Variants in KANK3 observed in about 807,000 individuals in gnomAD.
KANK3 encodes the protein KN motif and ankyrin repeat domains 3.
KANK3 carries 61 observed loss-of-function variants against 65.4 expected under a neutral mutation model. That is an observed-to-expected ratio of 0.93 (90% CI 0.76 to 1.15). The LOEUF (loss-of-function observed/expected upper bound fraction) is 1.15. Among genes scored for constraint, KANK3 ranks in the 50% most tolerant of loss-of-function variants. The pLI is 0.00. For synonymous variants in KANK3, 586 were observed against 543.3 expected (o/e 1.08, Z -1.09); for missense variants, 1,187 against 1,178.8 (o/e 1.01, Z -0.10).
chr19:8,336,433 C>A (rs34768661), intron 2 of KANK3, among the ~76,000 whole-genome samples: 23,382 of 134,294 alleles, frequency 0.17, 2,157 homozygotes, highest in Non-Finnish European at 0.22. Flanking sequence ...GAGAACCTCT[C>A]AAAAAAAAAA....
chr19:8,324,890 G>A (rs1970395552), intron 8 of KANK3, 60 bp from the exon 9 acceptor site: 2 of 960,972 alleles, frequency 2.1e-6, no homozygotes, highest in South Asian at 1.4e-5. Flanking sequence ...GGAGGTCACA[G>A]GTTGACTCCC....
rs1462786174 is a variant in KANK3 at position 8,334,944 on chromosome 19, C to A, written c.883G>T (p.Asp295Tyr). Residue 295 changes from aspartate to tyrosine, a missense_variant, in exon 3 of 11, where the codon GAT becomes TAT. This residue lies in a region of KANK3 where 1,078 missense variants were observed against 1,038.2 expected (regional missense o/e 1.04). Coordinates refer to ENST00000330915, the MANE Select transcript of KANK3 (RefSeq NM_198471.3). Reference protein sequence around the residue: ...QVLDGEVGSLDGTPQTREVAA... With the variant: ...QVLDGEVGSLYGTPQTREVAA... Reference sequence around the variant, plus strand: ...ACCTCCCGGGTCTGGGGCGTCCCATCGAGACTCCCGACCTCCCCGTCGAGG... The same window carrying A: ...ACCTCCCGGGTCTGGGGCGTCCCATAGAGACTCCCGACCTCCCCGTCGAGG... The A allele has an allele frequency of 2.0e-6, 3 of 1,488,430 alleles. No individual in the cohort carries two copies. The highest frequency in any genetic ancestry group is 2.7e-6 in the Non-Finnish European group (3 of 1,129,048). 92.2% of individuals were successfully genotyped at this position (1,488,430 alleles called of 1,614,324 possible). A position where few individuals can be genotyped will look rare whatever the true frequency, so the allele number is the denominator to read the frequency against.
chr19:8,328,568 G>A (rs1970469557), intron 7 of KANK3, among the ~76,000 whole-genome samples: 1 of 152,054 alleles, frequency 6.6e-6, no homozygotes, highest in Non-Finnish European at 1.5e-5. Context: ...ACAACAGGCT[G>A]AAGGAGGATG....
In KANK3 at chr19:8,324,933, G is replaced by A; in HGVS notation, c.2082+18C>T. 6.2e-7 allele frequency: 1 copy of A among 1,611,414 alleles called. No homozygotes were observed. Among genetic ancestry groups the A allele is most frequent in the Non-Finnish European group, 8.5e-7 (1 of 1,178,378 alleles). On this transcript the variant is annotated intron_variant, in intron 8 of 10. Transcript: ENST00000330915. The stretch of plus-strand genomic sequence containing the variant: ...AAGTGACTCCTGGCTGAGAGCCACA[G>A]TGGGGGCGCCCACGCACCTGACTGG...
chr19:8,332,470 G>A (rs1473518326), intron 7 of KANK3, among the ~76,000 whole-genome samples: 1 of 151,604 alleles, frequency 6.6e-6, no homozygotes, highest in Non-Finnish European at 1.5e-5. Context: ...GAGCCACCAT[G>A]CCTGGCTCAG....
chr19:8,333,262 C>T lies in KANK3; in HGVS notation c.1720-32G>A, dbSNP rs777471442. 4.5e-6 allele frequency: 7 copies of T among 1,558,794 alleles called. No homozygotes were observed. Among genetic ancestry groups the T allele is most frequent in the Admixed American group, 3.4e-5 (2 of 58,140 alleles). On this transcript the variant is annotated intron_variant, in intron 6 of 10. Coordinates refer to ENST00000330915, the MANE Select transcript of KANK3 (RefSeq NM_198471.3). The surrounding 1 kb of genome is among the most constrained non-coding windows in gnomAD (Gnocchi z 5.0). Reference sequence around the variant, plus strand: ...GGGACAGGGGCCAAGATAACATCGGCGATGGTCCACGGCGGCGCCGTGGTG... The same window carrying T: ...GGGACAGGGGCCAAGATAACATCGGTGATGGTCCACGGCGGCGCCGTGGTG...
rs1056125199 is a variant in KANK3 at position 8,333,656 on chromosome 19, A to C, written c.1719+68T>G. 1.2e-5 allele frequency: 15 copies of C among 1,282,124 alleles called. No homozygotes were observed. The highest frequency in any genetic ancestry group is 1.5e-5 in the Non-Finnish European group (15 of 968,558). The allele number at this position is 1,282,124 out of a possible 1,614,324, so 79.4% of individuals were successfully genotyped here. A position where few individuals can be genotyped will look rare whatever the true frequency, so the allele number is the denominator to read the frequency against. On this transcript the variant is annotated intron_variant, in intron 6 of 10. Transcript: ENST00000330915. The surrounding 1 kb of genome is among the most constrained non-coding windows in gnomAD (Gnocchi z 5.0). ...GGGATGGAACCCGGTGTGCTCCCCT[A>C]AGTGGGCGTCAGAGGTCCTTGGAGG...
chr19:8,324,858 G>A (rs1420209873), intron 8 of KANK3, 28 bp from the exon 9 acceptor site: 1 of 1,603,054 alleles, frequency 6.2e-7, no homozygotes, highest in African/African-American at 1.3e-5. Flanking sequence ...AGAGGGAACA[G>A]GCTGGGGTAG....
In KANK3 at chr19:8,338,077, A is replaced by G. The variant is rs368967905; in HGVS notation, c.-28-221T>C. ...CGCTCTGTCACCCAGGCTGGAGTGC[A>G]ATGCCACAATCTCGGCTCATTGCAG... On this transcript the variant is annotated intron_variant, in intron 1 of 10. Coordinates refer to ENST00000330915, the MANE Select transcript of KANK3 (RefSeq NM_198471.3). 2.5e-5 allele frequency: 15 copies of G among 610,200 alleles called. No individual in the cohort carries two copies. In the East Asian group the frequency reaches 1.3e-3, roughly 54 times the overall value. 37.8% of individuals were successfully genotyped at this position (610,200 alleles called of 1,614,324 possible). A position where few individuals can be genotyped will look rare whatever the true frequency, so the allele number is the denominator to read the frequency against.
intron 7 of KANK3, among the ~76,000 whole-genome samples, chr19:8,329,219 G>C (rs1970482372): frequency 6.7e-6 from 1 of 150,038 alleles, no homozygotes; most frequent in Non-Finnish European, 1.5e-5. Flanking sequence ...GGGTGCGGTT[G>C]CTCACTCCTA....
rs1236711469 is a variant in KANK3, at chr19:8,324,785, CCTGTCGGCCATGG to C, written c.2115_2127del (p.Ser705ArgfsTer14). 1 of 1,613,918 alleles carries C rather than the reference CCTGTCGGCCATGG, an allele frequency of 6.2e-7. No homozygotes were observed. ...CACGCCAGTAGGGTTGCCACCATGTCCTGTCGGCCATGGCTGATGGCCAGCATGAGGGCTGTCT... is the reference window on the plus strand; with the variant it reads ...CACGCCAGTAGGGTTGCCACCATGTCCTGATGGCCAGCATGAGGGCTGTCT... On this transcript the variant is annotated frameshift_variant, in exon 9 of 11. Coordinates refer to ENST00000330915, the MANE Select transcript of KANK3 (RefSeq NM_198471.3). LOFTEE classifies it high-confidence loss of function.
intron 10 of KANK3, 40 bp from the exon 11 acceptor site, chr19:8,322,962 C>T: frequency 8.6e-7 from 1 of 1,167,104 alleles, no homozygotes; most frequent in Non-Finnish European, 1.2e-6. Flanking sequence ...CTGCAATCTC[C>T]TTGAGGCAGG....
chr19:8,324,645 A>G lies in KANK3; in HGVS notation c.2268T>C (p.Pro756=). ...GGGGTCTTACATTGTCCAGGATGGC[A>G]GGGTCACAGCCTGGCTGGGTGAGCA... ...RLLLTQPGCD[P]AILDNEGTSA... The change falls in exon 9 of 11, where the codon CCT becomes CCC. Residue 756 remains proline (P), a synonymous_variant. Coordinates refer to ENST00000330915, the MANE Select transcript of KANK3 (RefSeq NM_198471.3). 1 of 1,614,006 alleles carries G rather than the reference A, an allele frequency of 6.2e-7. No homozygotes were observed.
At chr19:8,323,958 C>T (rs926302170) in intron 10 of KANK3, among the ~76,000 whole-genome samples, 1 of 152,140 alleles carries the variant, frequency 6.6e-6, no homozygotes, top group African/African-American at 2.4e-5. Context: ...CCAAAGGGCT[C>T]CTTTTTCCTT....
chr19:8,333,078 G>A lies in KANK3; in HGVS notation c.1872C>T (p.Asn624=), dbSNP rs1970557485. 6.2e-7 allele frequency: 1 copy of A among 1,612,758 alleles called. No homozygotes were observed. The highest frequency in any genetic ancestry group is 8.5e-7 in the Non-Finnish European group (1 of 1,179,826). The change falls in exon 7 of 11, where the codon AAC becomes AAT. Residue 624 remains asparagine (N), a synonymous_variant. Transcript: ENST00000330915. The surrounding 1 kb of genome is among the most constrained non-coding windows in gnomAD (Gnocchi z 5.0). The stretch of plus-strand genomic sequence containing the variant: ...GGGACACACTGTAGTGCAGGGCCGT[G>A]TTCCCGTTGCCATCCGCCAGGTTCA... ...HVVNLADGNG[N]TALHYSVSHG...
chr19:8,340,271 A>G lies in KANK3; in HGVS notation c.-28-2415T>C, dbSNP rs1276631448. On this transcript the variant is annotated intron_variant, in intron 1 of 10. Transcript: ENST00000330915. ...AGCCAGACTCCGTCTCAAAAAAAAA[A>G]AACCATATATATATATATATACACA... 7.7e-5 allele frequency among the ~76,000 whole-genome samples: 3 copies of G among 39,204 alleles called. 1 individual carries two copies. The highest frequency in any genetic ancestry group is 1.3e-4 in the Non-Finnish European group (3 of 22,436). The allele number at this position is 39,204 out of a possible 152,430, so 25.7% of individuals were successfully genotyped here. A position where few individuals can be genotyped will look rare whatever the true frequency, so the allele number is the denominator to read the frequency against.
chr19:8,330,219 G>A (rs2972576), intron 7 of KANK3, among the ~76,000 whole-genome samples: 24,987 of 152,166 alleles, frequency 0.16, 2,286 homozygotes, highest in Non-Finnish European at 0.21. Context: ...ATGCAGGGGC[G>A]TTAGTGTATG....
chr19:8,326,631 C>CAAA (rs1206711323), intron 7 of KANK3, among the ~76,000 whole-genome samples: 11,922 of 128,188 alleles, frequency 0.093, 775 homozygotes, highest in African/African-American at 0.19. Context: ...ACTAAAAATA[C>CAAA]AAAAAAAAAA....
In KANK3 at chr19:8,324,131, T is replaced by C. The variant is rs138401277; in HGVS notation, c.2382+318A>G. On this transcript the variant is annotated intron_variant, in intron 10 of 10. Coordinates refer to ENST00000330915, the MANE Select transcript of KANK3 (RefSeq NM_198471.3). ...GGGGTTTTGCTGCTTTCACATCAAA[T>C]CCCAGCCCCTGCCAGGCGCTCTGGT... 2.8e-3 allele frequency among the ~76,000 whole-genome samples: 430 copies of C among 152,182 alleles called. 1 individual carries two copies. The highest frequency in any genetic ancestry group is 0.01 in the African/African-American group (417 of 41,518).
Sources: gnomAD v4.1 joint callset for allele counts (sites outside exome capture counted in the v4.1 genomes callset) on GRCh38, gnomAD v4.1.1 for gene constraint, gnomAD v4.1.1 regional missense constraint, Gnocchi (gnomAD v3.1) non-coding constraint, MANE v1.5 for transcripts, NCBI Gene and HGNC (gene_info 2026-07-23, HGNC 2026-07-21) for gene names.